Variants in ADAM12 observed in about 807,000 individuals in gnomAD.
ADAM12 encodes disintegrin and metalloproteinase domain-containing protein 12.
In ADAM12, 70 loss-of-function variants were observed where a neutral mutation model predicts 106.4. The ratio of observed to expected loss-of-function variants is 0.66; its 90% CI spans 0.54 to 0.80. ADAM12 has a LOEUF of 0.80. Ranked by LOEUF, ADAM12 falls within the 30% of genes least tolerant of loss-of-function variation. ADAM12 has a pLI of 0.00. For synonymous variants in ADAM12, 420 were observed against 433.5 expected (o/e 0.97, Z 0.39); for missense variants, 1,010 against 1,171.9 (o/e 0.86, Z 2.02).
At chr10:126,120,044 T>G (rs1251553963) in intron 5 of ADAM12, among the ~76,000 whole-genome samples, 4 of 152,196 alleles carry the variant, frequency 2.6e-5, no homozygotes, top group Non-Finnish European at 5.9e-5. Flanking sequence ...TCTCTCCACT[T>G]TAGAAAGACA....
At chr10:126,243,371 T>C (rs1312904350) in intron 3 of ADAM12, among the ~76,000 whole-genome samples, 1 of 152,222 alleles carries the variant, frequency 6.6e-6, no homozygotes, top group African/African-American at 2.4e-5. Flanking sequence ...ATTGATCTCT[T>C]ACTCTGTTCT....
chr10:126,293,807 T>C (rs1960258098), intron 2 of ADAM12, among the ~76,000 whole-genome samples: 1 of 152,146 alleles, frequency 6.6e-6, no homozygotes, highest in Admixed American at 6.5e-5. Context: ...TTCCTTCTAG[T>C]TCCTAAAATA....
intron 3 of ADAM12, among the ~76,000 whole-genome samples, chr10:126,220,022 G>A (rs755703405): frequency 1.3e-5 from 2 of 152,144 alleles, no homozygotes; most frequent in African/African-American, 4.8e-5. Context: ...GCTCCTCGCC[G>A]TACCAAGTAG....
chr10:126,327,115 T>C (rs1854332065), intron 2 of ADAM12, among the ~76,000 whole-genome samples: 1 of 152,056 alleles, frequency 6.6e-6, no homozygotes. Context: ...GAGGAGAGAA[T>C]GGAGGGACAG....
intron 8 of ADAM12, 122 bp from the exon 9 acceptor site, chr10:126,101,363 G>C: frequency 8.6e-6 from 8 of 926,742 alleles, no homozygotes; most frequent in Non-Finnish European, 1.3e-5. Flanking sequence ...AAATATCTCT[G>C]TGCTCTTTGG....
At chr10:126,187,747 C>T (rs1957426508) in intron 3 of ADAM12, among the ~76,000 whole-genome samples, 2 of 152,180 alleles carry the variant, frequency 1.3e-5, no homozygotes, top group Admixed American at 1.3e-4. Context: ...GCACGCTGGC[C>T]ACAGTGCACA....
chr10:126,375,224 TG>T (rs1320920711), intron 1 of ADAM12, among the ~76,000 whole-genome samples: 10 of 140,086 alleles, frequency 7.1e-5, no homozygotes, highest in Admixed American at 2.2e-4. Flanking sequence ...GATCCAGAAG[TG>T]GAAGTGGTTT....
At chr10:126,327,669 C>T (rs1003629873) in intron 2 of ADAM12, among the ~76,000 whole-genome samples, 5 of 151,576 alleles carry the variant, frequency 3.3e-5, no homozygotes, top group Admixed American at 3.3e-4. Flanking sequence ...CTAGGCATTT[C>T]TGTATAAATA....
At chr10:126,114,000 G>A (rs2133611181) in intron 6 of ADAM12, among the ~76,000 whole-genome samples, 1 of 151,992 alleles carries the variant, frequency 6.6e-6, no homozygotes, top group East Asian at 1.9e-4. Context: ...TCTTCCTCTA[G>A]GCAAGAAAAC....
intron 3 of ADAM12, among the ~76,000 whole-genome samples, chr10:126,246,128 A>G (rs988856729): frequency 6.6e-6 from 1 of 152,218 alleles, no homozygotes; most frequent in Non-Finnish European, 1.5e-5. Flanking sequence ...AAACCCTTGC[A>G]TTCTGGAGGA....
rs1295229906 is a variant in ADAM12 at position 126,036,161 on chromosome 10, T to G, written c.2514A>C (p.Ala838=). Residue 838 remains alanine (A), a synonymous_variant, in exon 21 of 23, where the codon GCA becomes GCC. Coordinates refer to ENST00000448723, the MANE Select transcript of ADAM12 (RefSeq NM_001288973.2). ...GAAAGCATACCTGGGCCTGCCTAAG[T>G]GCAGGCTTGGCTGGCAGGGGTCTGG... ...VPARPLPAKP[A]LRQAQGTCKP... is the part of the protein sequence containing the mutation. 6.7e-7 allele frequency: 1 copy of G among 1,488,528 alleles called. No individual in the cohort carries two copies. Among genetic ancestry groups the G allele is most frequent in the African/African-American group, 1.5e-5 (1 of 68,128 alleles). The allele number at this position is 1,488,528 out of a possible 1,614,324, so 92.2% of individuals were successfully genotyped here.
chr10:126,172,253 C>T (rs978964992), intron 3 of ADAM12, among the ~76,000 whole-genome samples: 13 of 152,148 alleles, frequency 8.5e-5, no homozygotes, highest in Admixed American at 8.5e-4. Context: ...CCCATAAAGG[C>T]TGAGATTTCC....
intron 5 of ADAM12, among the ~76,000 whole-genome samples, chr10:126,132,099 C>G (rs1751047260): frequency 6.6e-6 from 1 of 152,034 alleles, no homozygotes; most frequent in Admixed American, 6.5e-5. Flanking sequence ...CTCAGCCTCC[C>G]AAGTAGCTGG....
intron 1 of ADAM12, among the ~76,000 whole-genome samples, chr10:126,336,508 G>A (rs1265449960): frequency 6.6e-6 from 1 of 152,162 alleles, no homozygotes; most frequent in African/African-American, 2.4e-5. Context: ...AGGATTCCTA[G>A]AGTAGAAAAA....
intron 4 of ADAM12, among the ~76,000 whole-genome samples, chr10:126,152,457 T>C (rs1245284804): frequency 1.3e-5 from 2 of 152,084 alleles, no homozygotes; most frequent in East Asian, 3.8e-4. Context: ...TTACTACCTT[T>C]CTAAGTTGCT....
intron 1 of ADAM12, among the ~76,000 whole-genome samples, chr10:126,386,082 G>A (rs1211928217): frequency 6.6e-6 from 1 of 152,128 alleles, no homozygotes; most frequent in Non-Finnish European, 1.5e-5. Context: ...GTGGCTTACG[G>A]AGTAAAAAGA....
intron 11 of ADAM12, among the ~76,000 whole-genome samples, chr10:126,086,701 ATATAT>A: frequency 1.0e-5 from 1 of 99,772 alleles, no homozygotes; most frequent in Non-Finnish European, 1.9e-5. Context: ...ATATATATAT[ATATAT>A]AAAATAAAAT....
chr10:126,016,428 G>C lies in ADAM12; in HGVS notation c.*851C>G, dbSNP rs549279624. ...GGCGGTTTGCAGTGCCTGGGCAGTA[G>C]GTTTCTTACAGAAACACCACCTTTC... On this transcript the variant is annotated 3_prime_UTR_variant, in exon 23 of 23. Coordinates refer to ENST00000448723, the MANE Select transcript of ADAM12 (RefSeq NM_001288973.2). The C allele has an allele frequency of 6.6e-6, 1 of 152,292 alleles. No individual in the cohort carries two copies. Among genetic ancestry groups the C allele is most frequent in the South Asian group, 2.1e-4 (1 of 4,820 alleles). The allele number at this position is 152,292 out of a possible 1,614,324, so 9.4% of individuals were successfully genotyped here. A position where few individuals can be genotyped will look rare whatever the true frequency, so the allele number is the denominator to read the frequency against.
rs546919284 is a variant in ADAM12, at chr10:126,290,154, G to C, written c.187-11166C>G. Among the ~76,000 whole-genome samples, 5 of 152,270 alleles carry C rather than the reference G, an allele frequency of 3.3e-5. No homozygotes were observed. The South Asian group carries it at 1.0e-3, about 32-fold the overall frequency. The stretch of plus-strand genomic sequence containing the variant: ...AGGGAGCCATGAGCCAAGGAACCTG[G>C]TGTCTCCAGAAGCTGGGAACCGCCC... On this transcript the variant is annotated intron_variant, in intron 2 of 22. Transcript: ENST00000448723.
Sources: gnomAD v4.1 joint callset for allele counts (sites outside exome capture counted in the v4.1 genomes callset) on GRCh38, gnomAD v4.1.1 for gene constraint, MANE v1.5 for transcripts, NCBI Gene and HGNC (gene_info 2026-07-23, HGNC 2026-07-21) for gene names.